Variants in PSPH observed in about 807,000 individuals in gnomAD.
PSPH encodes L-3-phosphoserine phosphatase.
In PSPH, 16 loss-of-function variants were observed where a neutral mutation model predicts 23.4. The ratio of observed to expected loss-of-function variants is 0.68; its 90% CI spans 0.46 to 1.04. The LOEUF is 1.04. Ranked by LOEUF, PSPH falls within the 50% of genes least tolerant of loss-of-function variation. The pLI, the probability that PSPH is intolerant of heterozygous loss-of-function variation, is 0.00. For synonymous variants in PSPH, 68 were observed against 99.7 expected (o/e 0.68, Z 1.89); for missense variants, 223 against 273.7 (o/e 0.81, Z 1.31).
intron 3 of PSPH, among the ~76,000 whole-genome samples, chr7:56,024,361 GC>G (rs142856157): frequency 0.1 from 15,860 of 151,728 alleles, 1,111 homozygotes; most frequent in Non-Finnish European, 0.15. Context: ...ACAGGTGTGA[GC>G]CACCACGACT....
At chr7:56,032,798 A>C (rs1791199122) in intron 2 of PSPH, among the ~76,000 whole-genome samples, 1 of 151,956 alleles carries the variant, frequency 6.6e-6, no homozygotes, top group Admixed American at 6.6e-5. Flanking sequence ...AAAAAATAAA[A>C]TAAATGAGCC....
rs550110832 is a variant in PSPH at position 56,042,398 on chromosome 7, C to G, written c.-291-8292G>C. Among the ~76,000 whole-genome samples, 9 of 152,228 alleles carry G rather than the reference C, an allele frequency of 5.9e-5. No homozygotes were observed. The South Asian group carries it at 1.9e-3, about 32-fold the overall frequency. On this transcript the variant is annotated intron_variant, in intron 1 of 7. Transcript: ENST00000275605. ...GGGCACAGTGACTCACACCTGTAAT[C>G]TCAGCAATCTGGGAGGCCAAAGCAG... is the stretch of plus-strand genomic sequence containing the variant.
intron 7 of PSPH, among the ~76,000 whole-genome samples, chr7:56,012,672 C>A (rs371764777): frequency 4.2e-4 from 63 of 151,226 alleles, no homozygotes; most frequent in African/African-American, 1.5e-3. Context: ...TGCCTGTAAT[C>A]CAGCACTTTG....
chr7:56,037,780 T>C lies in PSPH; in HGVS notation c.-291-3674A>G, dbSNP rs564587386. On this transcript the variant is annotated intron_variant, in intron 1 of 7. Transcript: ENST00000275605. ...CAGGCTGGAGTGCAGTAGCGTGATCTTGGCTCTCTGCAACCTCTGCCTCCT... is the reference window on the plus strand; with the variant it reads ...CAGGCTGGAGTGCAGTAGCGTGATCCTGGCTCTCTGCAACCTCTGCCTCCT... Among the ~76,000 whole-genome samples the C allele has an allele frequency of 9.3e-5, 14 of 150,620 alleles. No homozygotes were observed. In the South Asian group the frequency reaches 2.8e-3, roughly 30 times the overall value.
chr7:56,050,117 T>C (rs957044644), intron 1 of PSPH, among the ~76,000 whole-genome samples: 107 of 152,222 alleles, frequency 7.0e-4, no homozygotes, highest in African/African-American at 2.4e-3. Flanking sequence ...ACTAGTCTTC[T>C]ATCGTGCAGT....
In PSPH at chr7:56,015,142, G is replaced by C; in HGVS notation, c.451C>G (p.Pro151Ala). 6.2e-7 allele frequency: 1 copy of C among 1,613,908 alleles called. No individual in the cohort carries two copies. The highest frequency in any genetic ancestry group is 1.1e-5 in the South Asian group (1 of 91,064). Reference sequence around the variant, plus strand: ...CCTTTTCCACCAGATTCAGCTGTTGGCTGCGTCTCATCAAAACCTGCATAT... The same window carrying C: ...CCTTTTCCACCAGATTCAGCTGTTGCCTGCGTCTCATCAAAACCTGCATAT... ...GEYAGFDETQ[P>A]TAESGGKGKV... Residue 151 changes from proline to alanine, a missense_variant, in exon 7 of 8, where the codon CCA becomes GCA. Coordinates refer to ENST00000275605, the MANE Select transcript of PSPH (RefSeq NM_004577.4).
chr7:56,050,619 C>T (rs1793907112), intron 1 of PSPH, among the ~76,000 whole-genome samples: 1 of 152,136 alleles, frequency 6.6e-6, no homozygotes, highest in Non-Finnish European at 1.5e-5. Flanking sequence ...CCGAGGACTT[C>T]CCATTAGTCT....
intron 1 of PSPH, among the ~76,000 whole-genome samples, chr7:56,043,608 G>C (rs1425704701): frequency 6.6e-6 from 1 of 151,838 alleles, no homozygotes; most frequent in African/African-American, 2.4e-5. Context: ...CTGGAGGTCA[G>C]GAGTTCGAGA....
intron 3 of PSPH, among the ~76,000 whole-genome samples, chr7:56,031,264 A>T (rs1356722412): frequency 6.6e-6 from 1 of 151,834 alleles, no homozygotes; most frequent in African/African-American, 2.4e-5. Context: ...AAAACTGAGG[A>T]CTACAAGAAG....
chr7:56,037,989 A>G (rs527770636), intron 1 of PSPH, among the ~76,000 whole-genome samples: 9 of 151,766 alleles, frequency 5.9e-5, no homozygotes, highest in Non-Finnish European at 1.0e-4. Flanking sequence ...CTGGGATTAC[A>G]AGAGTGAGCC....
chr7:56,029,280 T>C (rs187677827), intron 3 of PSPH, among the ~76,000 whole-genome samples: 3 of 152,210 alleles, frequency 2.0e-5, no homozygotes, highest in Admixed American at 6.6e-5. Context: ...TGCCAGAGAA[T>C]GGACTCTGGA....
At chr7:56,028,860 C>T (rs1009217217) in intron 3 of PSPH, among the ~76,000 whole-genome samples, 8 of 151,894 alleles carry the variant, frequency 5.3e-5, no homozygotes, top group African/African-American at 1.9e-4. Context: ...ACTCTGTTGC[C>T]CAGGATGGAG....
At chr7:56,049,716 G>A (rs4424212) in intron 1 of PSPH, among the ~76,000 whole-genome samples, 33,493 of 151,514 alleles carry the variant, frequency 0.22, 3,829 homozygotes, top group East Asian at 0.4. Context: ...GGGATTACAG[G>A]TGTGAATCAC....
rs1448224512 is a variant in PSPH, at chr7:56,045,399, G to A, written c.-292+5739C>T. ...GATCACTTGAGCCCAGAAGGTCGAG[G>A]TTGCAGTAAGCAGTGATTGCGCCAC... On this transcript the variant is annotated intron_variant, in intron 1 of 7. Coordinates refer to ENST00000275605, the MANE Select transcript of PSPH (RefSeq NM_004577.4). Among the ~76,000 whole-genome samples the A allele has an allele frequency of 4.7e-5, 7 of 150,060 alleles. No homozygotes were observed. In the East Asian group the frequency reaches 1.4e-3, roughly 31 times the overall value.
intron 1 of PSPH, among the ~76,000 whole-genome samples, chr7:56,034,559 G>A (rs1010469427): frequency 6.6e-6 from 1 of 152,060 alleles, no homozygotes; most frequent in African/African-American, 2.4e-5. Context: ...TCTGTCGCCT[G>A]GGCTGGAGTG....
chr7:56,013,908 G>A (rs1022353766), intron 7 of PSPH, among the ~76,000 whole-genome samples: 10 of 152,014 alleles, frequency 6.6e-5, no homozygotes, highest in African/African-American at 2.4e-4. Flanking sequence ...AGGGGAGATC[G>A]CTTGAGCTCA....
At chr7:56,037,706 A>T (rs370148825) in intron 1 of PSPH, among the ~76,000 whole-genome samples, 5,615 of 115,644 alleles carry the variant, frequency 0.049, 261 homozygotes, top group Non-Finnish European at 0.079. Context: ...AAGCTAACAA[A>T]TTTTTTTTTT....
intron 6 of PSPH, among the ~76,000 whole-genome samples, chr7:56,016,235 C>G (rs1378335308): frequency 1.3e-5 from 2 of 150,390 alleles, no homozygotes; most frequent in African/African-American, 4.9e-5. Context: ...CCCGACTCTA[C>G]TAAAAAAAAA....
intron 3 of PSPH, among the ~76,000 whole-genome samples, chr7:56,023,121 G>A (rs945309247): frequency 3.9e-5 from 6 of 151,944 alleles, no homozygotes; most frequent in African/African-American, 1.4e-4. Context: ...GAAGAAAAGA[G>A]TGCTAAGGAC....
Sources: allele counts gnomAD v4.1 joint callset (sites outside exome capture counted in the v4.1 genomes callset), GRCh38; gene constraint gnomAD v4.1.1; transcripts MANE v1.5; gene names NCBI Gene and HGNC (gene_info 2026-07-23, HGNC 2026-07-21).